Variants in OLFML2A observed in about 807,000 individuals in gnomAD.
OLFML2A encodes olfactomedin like 2A, also known as olfactomedin-like protein 2A.
Under a neutral mutation model 60.9 loss-of-function variants are expected in OLFML2A, and 47 were observed. That is an observed-to-expected ratio of 0.77 (90% CI 0.61 to 0.98). OLFML2A has a LOEUF of 0.98. OLFML2A is among the 50% of genes least tolerant of loss of function. The probability of loss-of-function intolerance (pLI) is 0.00; values close to 1 mark genes in which losing one functional copy is unlikely to be tolerated. For missense variants in OLFML2A, 922 were observed against 879.8 expected, an observed-to-expected ratio of 1.05 and a Z score of -0.61; for synonymous variants, 372 against 375.0, an observed-to-expected ratio of 0.99 and a Z score of 0.09.
chr9:124,777,618 A>T lies in OLFML2A; in HGVS notation c.90+258A>T, dbSNP rs909134079. On this transcript the variant is annotated intron_variant, in intron 1 of 7. Transcript: ENST00000373580. The surrounding 1 kb of genome is among the most constrained non-coding windows in gnomAD (Gnocchi z 6.2). ...GGAAGGGGCGCTGGGACCGGGTCCG[A>T]TTCCCGGAGGGGTCGGGGGATTTCC... is the stretch of plus-strand genomic sequence containing the variant. Among the ~76,000 whole-genome samples the T allele has an allele frequency of 1.3e-5, 2 of 152,120 alleles. No individual in the cohort carries two copies. The highest frequency in any genetic ancestry group is 4.8e-5 in the African/African-American group (2 of 41,446).
chr9:124,807,756 A>T (rs777069242), intron 6 of OLFML2A, 25 bp from the exon 7 acceptor site: 1 of 1,592,362 alleles, frequency 6.3e-7, no homozygotes. Flanking sequence ...CTGTGTACCG[A>T]TGCTGCCTGC....
chr9:124,794,631 C>A (rs1006414004), intron 2 of OLFML2A, among the ~76,000 whole-genome samples: 10 of 151,702 alleles, frequency 6.6e-5, no homozygotes, highest in African/African-American at 1.5e-4. Context: ...TATTATTATT[C>A]TTTTTTTTGG....
rs758178741 is a variant in OLFML2A at position 124,809,976 on chromosome 9, A to G, written c.1523A>G (p.Glu508Gly). ...SWALLPDVVYEDTTPWKWRGH... is the reference protein window; with the variant it reads ...SWALLPDVVYGDTTPWKWRGH... ...GCGCTGCTGCCCGACGTGGTATATGAGGACACCACACCTTGGAAGTGGCGC... is the reference window on the plus strand; with the variant it reads ...GCGCTGCTGCCCGACGTGGTATATGGGGACACCACACCTTGGAAGTGGCGC... Residue 508 changes from glutamate to glycine, a missense_variant, in exon 8 of 8, where the codon GAG becomes GGG. Physicochemically the swap from Glu to Gly is moderately conservative, Grantham distance 98. Transcript: ENST00000373580. 6.2e-7 allele frequency: 1 copy of G among 1,614,106 alleles called. No homozygotes were observed. Among genetic ancestry groups the G allele is most frequent in the Non-Finnish European group, 8.5e-7 (1 of 1,179,994 alleles).
chr9:124,790,336 AT>A (rs537090404), intron 2 of OLFML2A, among the ~76,000 whole-genome samples: 5 of 148,294 alleles, frequency 3.4e-5, no homozygotes, highest in Admixed American at 6.7e-5. Flanking sequence ...TGCCCGGCTC[AT>A]TTTTTTTTTG....
At chr9:124,782,496 C>A (rs1199491753) in intron 1 of OLFML2A, among the ~76,000 whole-genome samples, 1 of 152,212 alleles carries the variant, frequency 6.6e-6, no homozygotes, top group Non-Finnish European at 1.5e-5. Flanking sequence ...GACAAAGGGA[C>A]TGTGATTCTT....
At chr9:124,797,212 C>T (rs1841684738) in intron 3 of OLFML2A, among the ~76,000 whole-genome samples, 1 of 152,188 alleles carries the variant, frequency 6.6e-6, no homozygotes, top group Non-Finnish European at 1.5e-5. Context: ...AATTTCTGGG[C>T]TCAAGCGATC....
rs1369410698 is a variant in OLFML2A, at chr9:124,777,807, G to T, written c.90+447G>T. Among the ~76,000 whole-genome samples, 3 of 152,156 alleles carry T rather than the reference G, an allele frequency of 2.0e-5. No homozygotes were observed. Among genetic ancestry groups the T allele is most frequent in the Non-Finnish European group, 4.4e-5 (3 of 68,018 alleles). ...CGCAGCCGCGCTGGCCACTCGCCTG[G>T]CCTCTGATGTTCTTGCCAGGGACCG... On this transcript the variant is annotated intron_variant, in intron 1 of 7. Transcript: ENST00000373580. The surrounding 1 kb of genome is among the most constrained non-coding windows in gnomAD (Gnocchi z 6.2).
At chr9:124,787,332 A>G in intron 2 of OLFML2A, 94 bp downstream of exon 2, 1 of 1,248,922 alleles carries the variant, frequency 8.0e-7, no homozygotes, top group South Asian at 1.4e-5. Context: ...CTGTGAGGCG[A>G]GTGGTGTTAC....
chr9:124,793,135 T>C (rs1841599523), intron 2 of OLFML2A, among the ~76,000 whole-genome samples: 1 of 152,214 alleles, frequency 6.6e-6, no homozygotes, highest in Admixed American at 6.5e-5. Flanking sequence ...AGCACTGGCC[T>C]GTGCAGGCCC....
intron 1 of OLFML2A, among the ~76,000 whole-genome samples, chr9:124,781,812 C>A (rs1588877074): frequency 6.6e-6 from 1 of 151,232 alleles, no homozygotes; most frequent in Non-Finnish European, 1.5e-5. Context: ...AAAAAAGACA[C>A]AAGTTGAGTC....
rs1841485066 is a variant in OLFML2A, at chr9:124,786,955, C to G, written c.91-20C>G. 3.8e-6 allele frequency: 6 copies of G among 1,598,038 alleles called. No homozygotes were observed. Among genetic ancestry groups the G allele is most frequent in the Non-Finnish European group, 5.1e-6 (6 of 1,168,884 alleles). On this transcript the variant is annotated intron_variant, in intron 1 of 7. Coordinates refer to ENST00000373580, the MANE Select transcript of OLFML2A (RefSeq NM_182487.4). ...TGCCTAGCAGCAACTCACTGGAGCC[C>G]CTCTTGCCCCCCGCAACAGGTGTTT... is the stretch of plus-strand genomic sequence containing the variant.
At position 124,799,281 on chromosome 9, in the gene OLFML2A, G is replaced by A. The variant is rs746936192; in HGVS notation, c.463-4G>A. On this transcript the variant is annotated splice_polypyrimidine_tract_variant and splice_region_variant and intron_variant, in intron 3 of 7. Transcript: ENST00000373580. ...AAAGACCTCCAATCCTGCCCCCTCC[G>A]CAGAGCATCAAGGCCAACCTGAGCC... The A allele has an allele frequency of 1.2e-4, 190 of 1,603,770 alleles. No individual in the cohort carries two copies. The highest frequency in any genetic ancestry group is 1.5e-4 in the Non-Finnish European group (180 of 1,171,500).
In OLFML2A at chr9:124,810,086, C is replaced by G; in HGVS notation, c.1633C>G (p.Pro545Ala). 1.9e-6 allele frequency: 3 copies of G among 1,613,784 alleles called. No individual in the cohort carries two copies. The highest frequency in any genetic ancestry group is 2.5e-6 in the Non-Finnish European group (3 of 1,180,006). The change falls in exon 8 of 8, where the codon CCC becomes GCC. Residue 545 changes from proline to alanine, a missense_variant. Physicochemically the swap from Pro to Ala is conservative, Grantham distance 27 (BLOSUM62 -1). Transcript: ENST00000373580. Reference sequence around the variant, plus strand: ...CGTGGACGACCGCGATGAGGCCCAGCCCGAGGTGATCGTCCTGAGTCGCTT... The same window carrying G: ...CGTGGACGACCGCGATGAGGCCCAGGCCGAGGTGATCGTCCTGAGTCGCTT... Reference protein sequence around the residue: ...PAVDDRDEAQPEVIVLSRLDP... With the variant: ...PAVDDRDEAQAEVIVLSRLDP...
chr9:124,791,327 C>G (rs1273829421), intron 2 of OLFML2A, among the ~76,000 whole-genome samples: 1 of 152,224 alleles, frequency 6.6e-6, no homozygotes, highest in East Asian at 1.9e-4. Context: ...CTGTGACTTC[C>G]TCTAGCACAG....
chr9:124,783,189 G>C (rs1362444763), intron 1 of OLFML2A, among the ~76,000 whole-genome samples: 2 of 152,026 alleles, frequency 1.3e-5, no homozygotes, highest in East Asian at 1.9e-4. Flanking sequence ...AAAAGCAGTG[G>C]GGGCAGGCAT....
chr9:124,792,128 G>A (rs771123568), intron 2 of OLFML2A, among the ~76,000 whole-genome samples: 4 of 152,192 alleles, frequency 2.6e-5, no homozygotes, highest in Admixed American at 6.5e-5. Context: ...ACCTGCGCCC[G>A]GAAAAGATCA....
At chr9:124,797,657 CT>C (rs1309102469) in intron 3 of OLFML2A, among the ~76,000 whole-genome samples, 4 of 152,354 alleles carry the variant, frequency 2.6e-5, no homozygotes, top group African/African-American at 9.6e-5. Context: ...TGACTTCTGT[CT>C]GTCCTGCTTT....
At chr9:124,796,144 G>T (rs1446924557) in intron 3 of OLFML2A, among the ~76,000 whole-genome samples, 1 of 152,242 alleles carries the variant, frequency 6.6e-6, no homozygotes, top group Non-Finnish European at 1.5e-5. Context: ...GGGCACCTGG[G>T]CATCCTGTGC....
intron 1 of OLFML2A, among the ~76,000 whole-genome samples, chr9:124,784,532 G>A (rs1198216435): frequency 6.6e-6 from 1 of 152,144 alleles, no homozygotes; most frequent in Non-Finnish European, 1.5e-5. Context: ...TAATGCATGT[G>A]AAACCTGGTA....
Sources: gnomAD v4.1 joint callset for allele counts (sites outside exome capture counted in the v4.1 genomes callset) on GRCh38, gnomAD v4.1.1 for gene constraint, Gnocchi (gnomAD v3.1) non-coding constraint, MANE v1.5 for transcripts, NCBI Gene and HGNC (gene_info 2026-07-23, HGNC 2026-07-21) for gene names.